EZR: variants seen among roughly 807,000 people sequenced by gnomAD.
EZR encodes cytovillin 2.
In EZR, 40 loss-of-function variants were observed where a neutral mutation model predicts 74.8. The ratio of observed to expected loss-of-function variants is 0.53; its 90% confidence interval spans 0.42 to 0.70. The LOEUF (loss-of-function observed/expected upper bound fraction) is 0.70. EZR is among the 30% of genes least tolerant of loss of function. The pLI, the probability that EZR is intolerant of heterozygous loss-of-function variation, is 0.00. For missense variants in EZR, 678 were observed against 755.8 expected (o/e 0.90, Z 1.21); for synonymous variants, 341 against 283.3 (o/e 1.20, Z -2.05).
rs57581855 is a variant in EZR at position 158,791,706 on chromosome 6, A to ATTTTTTTTTTTTT, written c.13-2348_13-2336dup. ...CCATGCACACGAGATTTCAGACTCC[A>ATTTTTTTTTTTTT]TTTTTTTTTTTTTTTTTTTTGAGAC... On this transcript the variant is annotated intron_variant, in intron 2 of 13. Coordinates refer to ENST00000367075, the MANE Select transcript of EZR (RefSeq NM_001111077.2). Among the ~76,000 whole-genome samples the ATTTTTTTTTTTTT allele has an allele frequency of 2.3e-4, 22 of 96,242 alleles. 1 individual carries two copies. The highest frequency in any genetic ancestry group is 3.0e-4 in the Non-Finnish European group (15 of 50,384). 63.1% of individuals were successfully genotyped at this position (96,242 alleles called of 152,430 possible). A position where few individuals can be genotyped will look rare whatever the true frequency, so the allele number is the denominator to read the frequency against.
At chr6:158,817,688 G>A (rs1456056119) in intron 2 of EZR, among the ~76,000 whole-genome samples, 5 of 152,192 alleles carry the variant, frequency 3.3e-5, no homozygotes, top group Admixed American at 6.5e-5. Context: ...ACCCTTAGGA[G>A]CTCTGAGAAC....
intron 6 of EZR, among the ~76,000 whole-genome samples, 154 bp from the exon 7 acceptor site, chr6:158,783,820 C>T (rs889227509): frequency 5.9e-5 from 9 of 152,166 alleles, no homozygotes; most frequent in African/African-American, 1.4e-4. Flanking sequence ...GGCAGCCGAC[C>T]GGTGAGGAGG....
intron 2 of EZR, among the ~76,000 whole-genome samples, chr6:158,792,077 C>T (rs559279207): frequency 6.6e-6 from 1 of 152,132 alleles, no homozygotes; most frequent in East Asian, 1.9e-4. Context: ...TCTCCTGAAA[C>T]CAAAGCTAAT....
chr6:158,794,495 T>C lies in EZR; in HGVS notation c.13-5124A>G, dbSNP rs1044907191. 2.6e-4 allele frequency among the ~76,000 whole-genome samples: 40 copies of C among 152,236 alleles called. 1 individual carries two copies. The highest frequency in any genetic ancestry group is 5.9e-5 in the Non-Finnish European group (4 of 68,040). On this transcript the variant is annotated intron_variant, in intron 2 of 13. Coordinates refer to ENST00000367075, the MANE Select transcript of EZR (RefSeq NM_001111077.2). ...TAATGCCAGAGGAATAAGATGGTAC[T>C]GGGACTGTATGATTCTGATACACAC... is the stretch of plus-strand genomic sequence containing the variant.
At chr6:158,772,808 G>A (rs954302228) in intron 8 of EZR, among the ~76,000 whole-genome samples, 4 of 152,188 alleles carry the variant, frequency 2.6e-5, no homozygotes, top group Non-Finnish European at 5.9e-5. Flanking sequence ...CAAAAAAACA[G>A]TGCGATATAT....
intron 12 of EZR, 133 bp from the exon 13 acceptor site, chr6:158,767,645 AGAG>A (rs1328061158): frequency 1.4e-5 from 13 of 910,932 alleles, no homozygotes; most frequent in Non-Finnish European, 1.9e-5. Flanking sequence ...GTGGCTTCGA[AGAG>A]GAGCACCCTC....
chr6:158,786,122 C>A (rs1324913680), intron 4 of EZR, among the ~76,000 whole-genome samples: 1 of 151,954 alleles, frequency 6.6e-6, no homozygotes. Context: ...GACTGTAATC[C>A]CAGCACTTTG....
chr6:158,812,178 C>G (rs1777463707), intron 2 of EZR, among the ~76,000 whole-genome samples: 1 of 152,224 alleles, frequency 6.6e-6, no homozygotes, highest in South Asian at 2.1e-4. Context: ...CTCTTTTTCA[C>G]AGAGTCATCC....
At chr6:158,781,125 C>G (rs555842702) in intron 7 of EZR, among the ~76,000 whole-genome samples, 11 of 152,124 alleles carry the variant, frequency 7.2e-5, no homozygotes, top group Non-Finnish European at 8.8e-5. Flanking sequence ...CTAGTTCTAC[C>G]GAGAGAGGTA....
chr6:158,793,592 G>C (rs896156654), intron 2 of EZR, among the ~76,000 whole-genome samples: 1 of 152,156 alleles, frequency 6.6e-6, no homozygotes, highest in African/African-American at 2.4e-5. Flanking sequence ...GGGTGCTCTT[G>C]TCATTCTGGA....
At chr6:158,812,869 C>A (rs1355448886) in intron 2 of EZR, among the ~76,000 whole-genome samples, 1 of 152,158 alleles carries the variant, frequency 6.6e-6, no homozygotes, top group Non-Finnish European at 1.5e-5. Flanking sequence ...CAACCCATCA[C>A]CAGGCACTAT....
intron 2 of EZR, among the ~76,000 whole-genome samples, chr6:158,809,034 C>T (rs1212562881): frequency 6.6e-6 from 1 of 152,194 alleles, no homozygotes; most frequent in Non-Finnish European, 1.5e-5. Flanking sequence ...GAGTTCAAGG[C>T]TGTGGTGAGC....
chr6:158,787,044 T>C lies in EZR; in HGVS notation c.192+64A>G, dbSNP rs1295404469. 6.0e-6 allele frequency: 8 copies of C among 1,323,702 alleles called. No homozygotes were observed. In the Middle Eastern group the frequency reaches 7.4e-4, roughly 122 times the overall value. The allele number at this position is 1,323,702 out of a possible 1,614,324, so 82.0% of individuals were successfully genotyped here. ...AAAAGACAGGGTGAGTTGCTCCAGT[T>C]TCCTTATCGATGAAGCAGACCAACA... is the stretch of plus-strand genomic sequence containing the variant. On this transcript the variant is annotated intron_variant, in intron 4 of 13. Transcript: ENST00000367075.
chr6:158,801,103 G>A (rs775380508), intron 2 of EZR, among the ~76,000 whole-genome samples: 1 of 152,138 alleles, frequency 6.6e-6, no homozygotes, highest in Non-Finnish European at 1.5e-5. Flanking sequence ...CCACCACACT[G>A]GGTAACAGAA....
intron 8 of EZR, 100 bp from the exon 9 acceptor site, chr6:158,771,507 A>G: frequency 7.8e-7 from 1 of 1,283,552 alleles, no homozygotes; most frequent in Non-Finnish European, 1.1e-6. Context: ...TAAAAGAACA[A>G]ATGTAGCAGA....
Position 158,786,468 on chromosome 6 carries a change from G to A in EZR, c.192+640C>T, listed in dbSNP as rs117041306. ...GCCTCACTAAGCCCCAGTCCTCATG[G>A]GATGATGCTATCAATCCTGGAGAAC... On this transcript the variant is annotated intron_variant, in intron 4 of 13. Coordinates refer to ENST00000367075, the MANE Select transcript of EZR (RefSeq NM_001111077.2). Among the ~76,000 whole-genome samples, 26 of 152,294 alleles carry A rather than the reference G, an allele frequency of 1.7e-4. No individual in the cohort carries two copies. The East Asian group carries it at 4.4e-3, about 26-fold the overall frequency.
intron 8 of EZR, 61 bp from the exon 9 acceptor site, chr6:158,771,468 C>A: frequency 2.0e-6 from 3 of 1,513,086 alleles, no homozygotes; most frequent in Non-Finnish European, 2.7e-6. Context: ...CTTCTCCAAA[C>A]CATCCTTCAC....
intron 2 of EZR, among the ~76,000 whole-genome samples, chr6:158,806,327 C>T (rs1777338139): frequency 6.6e-6 from 1 of 152,194 alleles, no homozygotes; most frequent in Admixed American, 6.5e-5. Flanking sequence ...AGCATCTCTC[C>T]CTTTCTACCC....
chr6:158,818,828 G>A (rs968381674), intron 1 of EZR, among the ~76,000 whole-genome samples: 6 of 150,434 alleles, frequency 4.0e-5, no homozygotes, highest in Admixed American at 1.3e-4. Flanking sequence ...GAGGGGTCAG[G>A]GGAGAGGGGG....
Sources: allele counts gnomAD v4.1 joint callset (sites outside exome capture counted in the v4.1 genomes callset), GRCh38; gene constraint gnomAD v4.1.1; transcripts MANE v1.5; gene names NCBI Gene and HGNC (gene_info 2026-07-23, HGNC 2026-07-21).